ROBO2: variants seen among roughly 807,000 people sequenced by gnomAD.
ROBO2 encodes roundabout homolog 2.
In ROBO2, 53 loss-of-function variants were observed where a neutral mutation model predicts 160.8. The ratio of observed to expected loss-of-function variants is 0.33; its 90% CI spans 0.26 to 0.41. The LOEUF is 0.41. Ranked by LOEUF, ROBO2 falls within the 10% of genes least tolerant of loss-of-function variation. The probability of loss-of-function intolerance (pLI) is 1.00; values close to 1 mark genes in which losing one functional copy is unlikely to be tolerated. For missense variants in ROBO2, 1,577 were observed against 1,722.4 expected, an observed-to-expected ratio of 0.92 and a Z score of 1.49; for synonymous variants, 664 against 611.7, an observed-to-expected ratio of 1.09 and a Z score of -1.26.
At chr3:76,779,727 A>G (rs1401936267) in intron 2 of ROBO2, among the ~76,000 whole-genome samples, 1 of 150,858 alleles carries the variant, frequency 6.6e-6, no homozygotes, top group Non-Finnish European at 1.5e-5. Flanking sequence ...GGAAGTAAAA[A>G]TTTTCCTTTT....
intron 2 of ROBO2, among the ~76,000 whole-genome samples, chr3:77,118,470 G>A (rs886222209): frequency 1.3e-5 from 2 of 152,092 alleles, no homozygotes. Flanking sequence ...ACATTTATTG[G>A]TTTTAAATTC....
At chr3:77,400,996 G>A (rs943837587) in intron 2 of ROBO2, among the ~76,000 whole-genome samples, 7 of 151,480 alleles carry the variant, frequency 4.6e-5, no homozygotes, top group Non-Finnish European at 7.4e-5. Context: ...GAGGGTTCTT[G>A]CAAGAATAAA....
chr3:76,760,204 A>C (rs1212223299), intron 2 of ROBO2, among the ~76,000 whole-genome samples: 1 of 151,816 alleles, frequency 6.6e-6, no homozygotes, highest in Non-Finnish European at 1.5e-5. Context: ...CATTATTGAA[A>C]TCTGTAAGTT....
chr3:76,361,112 G>A (rs963382683), intron 2 of ROBO2, among the ~76,000 whole-genome samples: 2 of 151,836 alleles, frequency 1.3e-5, no homozygotes, highest in East Asian at 1.9e-4. Context: ...TTTCATAAGC[G>A]CTGCAAGTTA....
intron 2 of ROBO2, among the ~76,000 whole-genome samples, chr3:76,190,365 C>G (rs1182662739): frequency 6.6e-6 from 1 of 152,028 alleles, no homozygotes; most frequent in Non-Finnish European, 1.5e-5. Flanking sequence ...CTAATAAAAT[C>G]TTATGCCTTC....
intron 2 of ROBO2, among the ~76,000 whole-genome samples, chr3:77,353,197 A>T (rs1230434319): frequency 6.6e-6 from 1 of 152,170 alleles, no homozygotes; most frequent in Non-Finnish European, 1.5e-5. Context: ...TCTCTCTAAG[A>T]AGTTTTCAAA....
At chr3:77,146,351 C>T (rs192744834) in intron 2 of ROBO2, among the ~76,000 whole-genome samples, 6 of 152,160 alleles carry the variant, frequency 3.9e-5, no homozygotes, top group East Asian at 1.9e-4. Context: ...ACAAACCCAG[C>T]GAGCAGGGAA....
At chr3:77,220,368 T>C (rs1416415250) in intron 2 of ROBO2, among the ~76,000 whole-genome samples, 1 of 152,092 alleles carries the variant, frequency 6.6e-6, no homozygotes, top group Non-Finnish European at 1.5e-5. Context: ...ACATAAAAAT[T>C]ACATTTTAAC....
chr3:77,512,205 A>G (rs1232270152), intron 5 of ROBO2, among the ~76,000 whole-genome samples: 1 of 151,962 alleles, frequency 6.6e-6, no homozygotes, highest in Non-Finnish European at 1.5e-5. Context: ...AATATTGAAG[A>G]TTAAGAAAGC....
intron 2 of ROBO2, among the ~76,000 whole-genome samples, chr3:76,495,484 G>A (rs2080097037): frequency 6.6e-6 from 1 of 151,968 alleles, no homozygotes; most frequent in South Asian, 2.1e-4. Flanking sequence ...TTAGTCAGAT[G>A]AGATTAAATG....
intron 2 of ROBO2, among the ~76,000 whole-genome samples, chr3:76,157,487 A>G (rs2072454252): frequency 6.6e-6 from 1 of 152,214 alleles, no homozygotes; most frequent in Non-Finnish European, 1.5e-5. Context: ...ATTGATTGCA[A>G]TTCTCATTTC....
At chr3:77,446,039 C>T (rs888252373) in intron 2 of ROBO2, among the ~76,000 whole-genome samples, 1 of 151,874 alleles carries the variant, frequency 6.6e-6, no homozygotes, top group South Asian at 2.1e-4. Context: ...GAGTATCTTT[C>T]CTAGAATTCC....
At chr3:77,180,943 C>A (rs1447291499) in intron 2 of ROBO2, among the ~76,000 whole-genome samples, 2 of 152,050 alleles carry the variant, frequency 1.3e-5, no homozygotes, top group Non-Finnish European at 2.9e-5. Flanking sequence ...AAAAGAGTTA[C>A]TTCTGGACCA....
intron 2 of ROBO2, among the ~76,000 whole-genome samples, chr3:76,554,323 A>G (rs1335510288): frequency 6.6e-6 from 1 of 152,204 alleles, no homozygotes; most frequent in African/African-American, 2.4e-5. Context: ...AACAGTAATT[A>G]TCTCCAGGAG....
chr3:77,493,371 G>T, exon 5 of ROBO2: 1 of 1,613,952 alleles, frequency 6.2e-7, no homozygotes, highest in Non-Finnish European at 8.5e-7. Context: ...ATGCAGACTT[G>T]CCAAGAGGAA....
chr3:77,174,005 A>AC (rs2079889653), intron 2 of ROBO2, among the ~76,000 whole-genome samples: 1 of 151,990 alleles, frequency 6.6e-6, no homozygotes, highest in Admixed American at 6.6e-5. Flanking sequence ...TCATTTCTTG[A>AC]CCCCAACGTA....
intron 2 of ROBO2, among the ~76,000 whole-genome samples, chr3:76,094,238 T>C (rs2069350510): frequency 6.6e-6 from 1 of 152,128 alleles, no homozygotes. Flanking sequence ...CAATTCTGTG[T>C]GCCTGCCTTG....
Position 77,477,409 on chromosome 3 carries a change from C to A in ROBO2, c.389-5C>A. On this transcript the variant is annotated splice_region_variant and splice_polypyrimidine_tract_variant and intron_variant, in intron 2 of 25. Transcript: ENST00000461745. ...TTTTCTTTTCCTGTAATTATTTTTC[C>A]TCAGTGTTACGAGATGACTTCCGAC... The A allele has an allele frequency of 6.2e-7, 1 of 1,612,958 alleles. No individual in the cohort carries two copies. Among genetic ancestry groups the A allele is most frequent in the Non-Finnish European group, 8.5e-7 (1 of 1,179,526 alleles).
intron 2 of ROBO2, among the ~76,000 whole-genome samples, chr3:76,700,013 T>C (rs1276985280): frequency 6.6e-6 from 1 of 151,780 alleles, no homozygotes; most frequent in Non-Finnish European, 1.5e-5. Context: ...GAAAGAAAAA[T>C]AGCAAAAAAA....
Sources: allele counts gnomAD v4.1 joint callset (sites outside exome capture counted in the v4.1 genomes callset), GRCh38; gene constraint gnomAD v4.1.1; transcripts MANE v1.5; gene names NCBI Gene and HGNC (gene_info 2026-07-23, HGNC 2026-07-21).